Variants in ZBTB20 observed in about 807,000 individuals in gnomAD.
ZBTB20 encodes the protein zinc finger and BTB domain-containing protein 20.
In ZBTB20, 9 loss-of-function variants were observed where a neutral mutation model predicts 56.9. That is an observed-to-expected ratio of 0.16 (90% confidence interval 0.10 to 0.28). The LOEUF is 0.28. Ranked by LOEUF, ZBTB20 falls within the 10% of genes least tolerant of loss-of-function variation. The probability of loss-of-function intolerance (pLI) is 1.00; values close to 1 mark genes in which losing one functional copy is unlikely to be tolerated. For synonymous variants in ZBTB20, 417 were observed against 420.7 expected (o/e 0.99, Z 0.11); for missense variants, 655 against 1,003.0 (o/e 0.65, Z 4.69).
In ZBTB20 at chr3:114,974,351, AC is replaced by A. The variant is rs914671938; in HGVS notation, c.-456+14del. Reference sequence around the variant, plus strand: ...GAAGATAAAGCCCATTCAGGAAAATACCACTGGACATTACCTTCAGCCTTCA... The same window carrying A: ...GAAGATAAAGCCCATTCAGGAAAATACACTGGACATTACCTTCAGCCTTCA... On this transcript the variant is annotated intron_variant, in intron 3 of 11. Transcript: ENST00000675478. The A allele has an allele frequency of 1.3e-5, 2 of 152,164 alleles. No homozygotes were observed. The highest frequency in any genetic ancestry group is 2.9e-5 in the Non-Finnish European group (2 of 67,998). 9.4% of individuals were successfully genotyped at this position (152,164 alleles called of 1,614,324 possible). A position where few individuals can be genotyped will look rare whatever the true frequency, so the allele number is the denominator to read the frequency against.
chr3:114,578,866 T>C (rs1280701018), intron 6 of ZBTB20, among the ~76,000 whole-genome samples: 1 of 151,692 alleles, frequency 6.6e-6, no homozygotes, highest in East Asian at 1.9e-4. Context: ...CATAGTAATA[T>C]CTAAAAATAT....
At chr3:115,038,707 G>C (rs1337588904) in intron 2 of ZBTB20, among the ~76,000 whole-genome samples, 1 of 151,970 alleles carries the variant, frequency 6.6e-6, no homozygotes, top group Non-Finnish European at 1.5e-5. Context: ...AAAATCTGTT[G>C]TTGGTAAACT....
chr3:115,087,247 G>C (rs1376261126), intron 1 of ZBTB20, among the ~76,000 whole-genome samples: 1 of 151,750 alleles, frequency 6.6e-6, no homozygotes, highest in Non-Finnish European at 1.5e-5. Context: ...AAATAAAAAT[G>C]GCCTGTCTTT....
intron 2 of ZBTB20, among the ~76,000 whole-genome samples, chr3:115,014,654 G>A (rs1156645893): frequency 6.6e-6 from 1 of 151,662 alleles, no homozygotes; most frequent in East Asian, 2.0e-4. Flanking sequence ...TCTGCTAGGA[G>A]ATGTAGCGAT....
chr3:114,798,503 T>G (rs608905), intron 5 of ZBTB20, among the ~76,000 whole-genome samples: 6,181 of 151,938 alleles, frequency 0.041, 441 homozygotes, highest in African/African-American at 0.14. Context: ...GAAACATTGC[T>G]TAGACCCTGA....
chr3:115,011,446 C>T (rs560852558), intron 2 of ZBTB20, among the ~76,000 whole-genome samples: 1 of 152,018 alleles, frequency 6.6e-6, no homozygotes, highest in Non-Finnish European at 1.5e-5. Flanking sequence ...ATCTCCAACA[C>T]ATCTGGCAGC....
intron 6 of ZBTB20, among the ~76,000 whole-genome samples, chr3:114,681,503 G>T (rs967649331): frequency 3.9e-5 from 6 of 152,182 alleles, no homozygotes; most frequent in Admixed American, 3.9e-4. Context: ...TTATTAGAAG[G>T]CTGGGAGCCA....
intron 4 of ZBTB20, among the ~76,000 whole-genome samples, chr3:114,899,798 C>T (rs991142994): frequency 2.6e-5 from 4 of 152,168 alleles, no homozygotes; most frequent in Admixed American, 2.6e-4. Flanking sequence ...GGAACCACAA[C>T]ACTGCATGGT....
Position 114,635,106 on chromosome 3 carries a change from C to T in ZBTB20, c.-295+58422G>A, listed in dbSNP as rs535151270. Among the ~76,000 whole-genome samples, 3 of 152,264 alleles carry T rather than the reference C, an allele frequency of 2.0e-5. No homozygotes were observed. The South Asian group carries it at 6.2e-4, about 32-fold the overall frequency. On this transcript the variant is annotated intron_variant, in intron 6 of 11. Transcript: ENST00000675478. The stretch of plus-strand genomic sequence containing the variant: ...TCACCTTGTACTGAGCCTTGTGCGA[C>T]CATTAGAACTTGGTTCTGAGGGATA...
intron 5 of ZBTB20, among the ~76,000 whole-genome samples, chr3:114,712,945 T>C (rs1291916220): frequency 6.6e-6 from 1 of 152,164 alleles, no homozygotes; most frequent in East Asian, 1.9e-4. Flanking sequence ...GTCACCCTAA[T>C]AATGGTATAA....
At chr3:114,777,743 G>A (rs1320738460) in intron 5 of ZBTB20, among the ~76,000 whole-genome samples, 1 of 152,028 alleles carries the variant, frequency 6.6e-6, no homozygotes, top group African/African-American at 2.4e-5. Flanking sequence ...TCCCATTACT[G>A]GGTATATACC....
At chr3:114,889,504 G>A (rs1328532013) in intron 4 of ZBTB20, among the ~76,000 whole-genome samples, 1 of 151,956 alleles carries the variant, frequency 6.6e-6, no homozygotes, top group East Asian at 1.9e-4. Context: ...TGTGAATATA[G>A]ATAATTAGGG....
chr3:114,941,295 C>T (rs770877040), intron 3 of ZBTB20, among the ~76,000 whole-genome samples: 2 of 145,812 alleles, frequency 1.4e-5, no homozygotes, highest in African/African-American at 2.8e-5. Context: ...GAGAAACTAA[C>T]ATAAATGTTT....
chr3:114,888,796 C>A (rs1267612712), intron 4 of ZBTB20, among the ~76,000 whole-genome samples: 2 of 152,084 alleles, frequency 1.3e-5, no homozygotes, highest in Admixed American at 1.3e-4. Context: ...TTAAGTAATA[C>A]TAAACTCAGC....
chr3:114,903,596 C>T (rs143001822), intron 3 of ZBTB20, among the ~76,000 whole-genome samples: 225 of 152,158 alleles, frequency 1.5e-3, no homozygotes, highest in Admixed American at 5.3e-3. Flanking sequence ...CACTTTTAAG[C>T]TCCATTCCTA....
chr3:114,743,281 T>C (rs1195320295), intron 5 of ZBTB20, among the ~76,000 whole-genome samples: 3 of 152,104 alleles, frequency 2.0e-5, no homozygotes, highest in Non-Finnish European at 2.9e-5. Flanking sequence ...ACAAATGCAA[T>C]AGGGTAGCCA....
chr3:114,631,943 A>G (rs2058983052), intron 6 of ZBTB20, among the ~76,000 whole-genome samples: 1 of 152,174 alleles, frequency 6.6e-6, no homozygotes, highest in South Asian at 2.1e-4. Context: ...AATTACAGGT[A>G]GAGTTTAAAA....
intron 3 of ZBTB20, among the ~76,000 whole-genome samples, chr3:114,933,083 A>G (rs2076413762): frequency 6.6e-6 from 1 of 152,116 alleles, no homozygotes; most frequent in Non-Finnish European, 1.5e-5. Flanking sequence ...GAGGCCTAAA[A>G]CCCATAAGTA....
At chr3:115,009,437 C>T (rs1304249182) in intron 2 of ZBTB20, among the ~76,000 whole-genome samples, 1 of 151,934 alleles carries the variant, frequency 6.6e-6, no homozygotes, top group African/African-American at 2.4e-5. Flanking sequence ...TTCTCATCCC[C>T]TTTCAGGCAG....
Sources: allele counts gnomAD v4.1 joint callset (sites outside exome capture counted in the v4.1 genomes callset), GRCh38; gene constraint gnomAD v4.1.1; transcripts MANE v1.5; gene names NCBI Gene and HGNC (gene_info 2026-07-23, HGNC 2026-07-21).